Variants in PRPF3 observed in about 807,000 individuals in gnomAD.
PRPF3 encodes the protein U4/U6 small nuclear ribonucleoprotein Prp3.
A neutral mutation model predicts 89.2 loss-of-function variants in PRPF3; 3 were observed. The observed-to-expected ratio is 0.03, with a 90% confidence interval of 0.02 to 0.09. The LOEUF is 0.09. Among genes scored for constraint, PRPF3 ranks in the 10% least tolerant of loss-of-function variants. PRPF3 has a pLI of 1.00. For synonymous variants in PRPF3, 270 were observed against 289.1 expected, an observed-to-expected ratio of 0.93 and a Z score of 0.67; for missense variants, 463 against 828.8, an observed-to-expected ratio of 0.56 and a Z score of 5.42.
chr1:150,346,525 G>A, intron 14 of PRPF3, 34 bp downstream of exon 14: 1 of 1,566,456 alleles, frequency 6.4e-7, no homozygotes, highest in African/African-American at 1.4e-5. Flanking sequence ...AAGGGGGAGA[G>A]CTATGGGAGG....
At chr1:150,338,803 C>A (rs782428069) in intron 8 of PRPF3, among the ~76,000 whole-genome samples, 1 of 152,182 alleles carries the variant, frequency 6.6e-6, no homozygotes, top group South Asian at 2.1e-4. Flanking sequence ...GCGTGAGCCA[C>A]TGCACCTGGC....
chr1:150,337,774 A>AT (rs1657202834), intron 7 of PRPF3, among the ~76,000 whole-genome samples: 1 of 151,612 alleles, frequency 6.6e-6, no homozygotes. Context: ...CAAAAAAAAA[A>AT]AAAAATATTT....
intron 14 of PRPF3, among the ~76,000 whole-genome samples, chr1:150,347,863 C>T (rs145846335): frequency 6.6e-6 from 1 of 152,114 alleles, no homozygotes; most frequent in Non-Finnish European, 1.5e-5. Context: ...ATTTTTATCT[C>T]ATGTAAGAGT....
chr1:150,352,912 A>G lies in PRPF3; in HGVS notation c.1985A>G (p.Lys662Arg), dbSNP rs782229642. 2.3e-5 allele frequency: 37 copies of G among 1,614,104 alleles called. No individual in the cohort carries two copies. Among genetic ancestry groups the G allele is most frequent in the South Asian group, 5.5e-5 (5 of 91,092 alleles). ...GAGAACATGGCTCGTGAGCATTTCAAAAAGCATGGGGCTGAACACTACTGG... is the reference window on the plus strand; with the variant it reads ...GAGAACATGGCTCGTGAGCATTTCAGAAAGCATGGGGCTGAACACTACTGG... ...PTENMAREHF[K>R]KHGAEHYWDL... Residue 662 changes from lysine (K) to arginine (R), a missense_variant, in exon 16 of 16, where the codon AAA becomes AGA. Transcript: ENST00000324862.
chr1:150,352,736 C>A, intron 15 of PRPF3, 97 bp from the exon 16 acceptor site: 1 of 1,317,962 alleles, frequency 7.6e-7, no homozygotes, highest in Non-Finnish European at 1.1e-6. Context: ...TTCAGCTGGG[C>A]ACATGTCTCA....
chr1:150,342,614 C>G (rs1193995430), intron 9 of PRPF3, among the ~76,000 whole-genome samples: 2 of 152,026 alleles, frequency 1.3e-5, no homozygotes, highest in African/African-American at 2.4e-5. Context: ...CCTCCACCTC[C>G]CGGATTCAAG....
In PRPF3 at chr1:150,346,393, C is replaced by T. The variant is rs1367299338; in HGVS notation, c.1760-15C>T. The T allele has an allele frequency of 3.1e-6, 5 of 1,610,504 alleles. No homozygotes were observed. The African/African-American group carries it at 5.3e-5, about 17-fold the overall frequency. ...CTTCCACAGTTCTGGCAAAATTATT[C>T]TTCTCTGTTTCCAGGCCCCAAGGCC... On this transcript the variant is annotated splice_polypyrimidine_tract_variant and intron_variant, in intron 13 of 15. Coordinates refer to ENST00000324862, the MANE Select transcript of PRPF3 (RefSeq NM_004698.4).
intron 7 of PRPF3, among the ~76,000 whole-genome samples, chr1:150,336,762 T>A (rs116028484): frequency 0.026 from 3,893 of 150,884 alleles, 163 homozygotes; most frequent in African/African-American, 0.088. Context: ...TCTCAAAAAA[T>A]ATATATATAT....
intron 1 of PRPF3, among the ~76,000 whole-genome samples, chr1:150,323,173 C>CTTGTTTTTTTT (rs1655277822): frequency 2.1e-5 from 1 of 48,270 alleles, no homozygotes; most frequent in Non-Finnish European, 3.3e-5. Flanking sequence ...CCGCACCTGG[C>CTTGTTTTTTTT]TTTTTTTTTT....
chr1:150,327,129 G>A (rs1401471176), intron 3 of PRPF3, among the ~76,000 whole-genome samples: 6 of 148,912 alleles, frequency 4.0e-5, no homozygotes, highest in African/African-American at 7.4e-5. Flanking sequence ...GTACAGTAGC[G>A]CAATCTTGAC....
intron 1 of PRPF3, among the ~76,000 whole-genome samples, chr1:150,324,394 G>A (rs1655463752): frequency 6.6e-6 from 1 of 152,166 alleles, no homozygotes; most frequent in Non-Finnish European, 1.5e-5. Flanking sequence ...CAACTTAAGA[G>A]TTAGAATTAA....
intron 7 of PRPF3, among the ~76,000 whole-genome samples, chr1:150,336,356 C>G (rs1415852641): frequency 6.6e-6 from 1 of 152,154 alleles, no homozygotes; most frequent in African/African-American, 2.4e-5. Flanking sequence ...AGGGAGCAAT[C>G]GTAAGTACAG....
chr1:150,346,012 C>T lies in PRPF3; in HGVS notation c.1641-6C>T, dbSNP rs781988914. ...GGAAGACATAACTAAACTTTCCCTT[C>T]TCCAGAGTTCGAAATTTGAGCAACC... On this transcript the variant is annotated splice_region_variant and splice_polypyrimidine_tract_variant and intron_variant, in intron 12 of 15. Coordinates refer to ENST00000324862, the MANE Select transcript of PRPF3 (RefSeq NM_004698.4). 2 of 1,610,578 alleles carry T rather than the reference C, an allele frequency of 1.2e-6. No individual in the cohort carries two copies. Among genetic ancestry groups the T allele is most frequent in the South Asian group, 1.1e-5 (1 of 90,992 alleles).
intron 5 of PRPF3, 45 bp from the exon 6 acceptor site, chr1:150,332,934 T>C (rs782790198): frequency 3.4e-5 from 53 of 1,567,122 alleles, no homozygotes; most frequent in Non-Finnish European, 4.2e-5. Flanking sequence ...TGTGTGTTTG[T>C]CTGCCTGTCT....
rs781917094 is a variant in PRPF3 at position 150,333,197 on chromosome 1, C to T, written c.726C>T (p.Pro242=). ...LANLHAMGIA[P]PKVELKDQTK... Reference sequence around the variant, plus strand: ...ATCTCCATGCCATGGGCATTGCTCCCCCGTGAGTGTCTATTTCATGGAATA... The same window carrying T: ...ATCTCCATGCCATGGGCATTGCTCCTCCGTGAGTGTCTATTTCATGGAATA... Residue 242 remains proline (P), a splice_region_variant and synonymous_variant, in exon 6 of 16, where the codon CCC becomes CCT. Transcript: ENST00000324862. The T allele has an allele frequency of 6.8e-6, 11 of 1,613,786 alleles. 1 individual carries two copies. The highest frequency in any genetic ancestry group is 9.3e-6 in the Non-Finnish European group (11 of 1,179,820).
At chr1:150,340,276 T>C (rs1657549314) in intron 8 of PRPF3, 122 bp from the exon 9 acceptor site, 1 of 718,398 alleles carries the variant, frequency 1.4e-6, no homozygotes, top group Admixed American at 2.2e-5. Flanking sequence ...AATGCTATTT[T>C]AGGTATATCA....
intron 11 of PRPF3, 56 bp downstream of exon 11, chr1:150,344,317 C>T (rs1434594566): frequency 6.2e-7 from 1 of 1,613,592 alleles, no homozygotes; most frequent in Non-Finnish European, 8.5e-7. Context: ...CCAAACTCTT[C>T]TGGGGGGTCC....
intron 9 of PRPF3, among the ~76,000 whole-genome samples, chr1:150,341,683 G>A (rs1447251906): frequency 2.0e-5 from 3 of 149,856 alleles, no homozygotes; most frequent in Admixed American, 6.7e-5. Flanking sequence ...TGGGATTATA[G>A]GTGTGAGCCA....
intron 15 of PRPF3, among the ~76,000 whole-genome samples, chr1:150,352,118 T>G (rs587609378): frequency 6.6e-6 from 1 of 152,304 alleles, no homozygotes; most frequent in South Asian, 2.1e-4. Context: ...GTACCTGCTC[T>G]TCTTCTGTTC....
Sources: gnomAD v4.1 joint callset for allele counts (sites outside exome capture counted in the v4.1 genomes callset) on GRCh38, gnomAD v4.1.1 for gene constraint, MANE v1.5 for transcripts, NCBI Gene and HGNC (gene_info 2026-07-23, HGNC 2026-07-21) for gene names.